EIF4A1: variants seen among roughly 807,000 people sequenced by gnomAD.
EIF4A1 encodes the protein eukaryotic initiation factor 4A-I.
Under a neutral mutation model 53.5 loss-of-function variants are expected in EIF4A1, and 11 were observed. That is an observed-to-expected ratio of 0.21 (90% CI 0.13 to 0.34). The LOEUF (loss-of-function observed/expected upper bound fraction) is 0.34. EIF4A1 is among the 10% of genes least tolerant of loss of function. EIF4A1 has a pLI of 1.00. For missense variants in EIF4A1, 213 were observed against 530.8 expected, an observed-to-expected ratio of 0.40 and a Z score of 5.88; for synonymous variants, 237 against 186.7, an observed-to-expected ratio of 1.27 and a Z score of -2.20.
chr17:7,574,188 C>CA, intron 1 of EIF4A1, 72 bp from the exon 2 acceptor site: 3 of 1,592,012 alleles, frequency 1.9e-6, no homozygotes, highest in Non-Finnish European at 2.6e-6. Context: ...CCACTCCTGA[C>CA]AGAGCCCGGC....
Position 7,577,186 on chromosome 17 carries a change from A to G in EIF4A1, c.624+21A>G. On this transcript the variant is annotated intron_variant, in intron 6 of 10. Coordinates refer to ENST00000293831, the MANE Select transcript of EIF4A1 (RefSeq NM_001416.4). This position sits in a 1 kb window ranked among gnomAD's most constrained non-coding sequence, Gnocchi z 4.7. ...CCCAGGTGAGGGCAGTCTTGCTTGA[A>G]TAGCTAATGATTCTTGAAAAATAGT... 1 of 1,575,606 alleles carries G rather than the reference A, an allele frequency of 6.3e-7. No individual in the cohort carries two copies. Among genetic ancestry groups the G allele is most frequent in the Non-Finnish European group, 8.6e-7 (1 of 1,164,694 alleles).
At chr17:7,573,917 G>A (rs969386478) in intron 1 of EIF4A1, 2 of 271,484 alleles carry the variant, frequency 7.4e-6, no homozygotes, top group Non-Finnish European at 1.4e-5. Flanking sequence ...GGTGGGAGGT[G>A]CACGCGCTTG....
chr17:7,577,329 CT>C lies in EIF4A1; in HGVS notation c.625-8del, dbSNP rs750013227. On this transcript the variant is annotated splice_polypyrimidine_tract_variant and intron_variant, in intron 6 of 10. Transcript: ENST00000293831. This position sits in a 1 kb window ranked among gnomAD's most constrained non-coding sequence, Gnocchi z 4.7. Reference sequence around the variant, plus strand: ...AAGGAACCAGCACTCTAAGACTGGCCTTTTTTTCCACTAGGTAGTTTTGCTG... The same window carrying C: ...AAGGAACCAGCACTCTAAGACTGGCCTTTTTTCCACTAGGTAGTTTTGCTG... 4.8e-5 allele frequency: 78 copies of C among 1,613,636 alleles called. No individual in the cohort carries two copies. Among genetic ancestry groups the C allele is most frequent in the Non-Finnish European group, 6.3e-5 (74 of 1,179,876 alleles).
chr17:7,574,500 T>C (rs1567733338), intron 2 of EIF4A1, 46 bp from the exon 3 acceptor site: 1 of 1,612,226 alleles, frequency 6.2e-7, no homozygotes, highest in Non-Finnish European at 8.5e-7. Flanking sequence ...ACAGCTCAGC[T>C]CCACCTTTTC....
Position 7,577,998 on chromosome 17 carries a change from G to A in EIF4A1, c.996+82G>A, listed in dbSNP as rs201605209. On this transcript the variant is annotated intron_variant, in intron 9 of 10. Coordinates refer to ENST00000293831, the MANE Select transcript of EIF4A1 (RefSeq NM_001416.4). The surrounding 1 kb of genome is among the most constrained non-coding windows in gnomAD (Gnocchi z 4.7). ...TCCAAGGGGACATCAGTGCCTCTCA[G>A]GAAAGTAGCAGCTTGGAATAGAATC... 3 of 1,591,232 alleles carry A rather than the reference G, an allele frequency of 1.9e-6. No individual in the cohort carries two copies. Among genetic ancestry groups the A allele is most frequent in the Non-Finnish European group, 2.6e-6 (3 of 1,159,476 alleles).
chr17:7,572,946 C>G, intron 1 of EIF4A1, 82 bp downstream of exon 1: 1 of 1,611,964 alleles, frequency 6.2e-7, no homozygotes, highest in South Asian at 1.1e-5. Flanking sequence ...AGCTGAGAGG[C>G]CCACCAGGGT....
In EIF4A1 at chr17:7,574,360, T is replaced by C. The variant is rs774528053; in HGVS notation, c.72+52T>C. The C allele has an allele frequency of 2.5e-6, 4 of 1,613,696 alleles. No individual in the cohort carries two copies. In the South Asian group the frequency reaches 4.4e-5, roughly 18 times the overall value. On this transcript the variant is annotated intron_variant, in intron 2 of 10. Coordinates refer to ENST00000293831, the MANE Select transcript of EIF4A1 (RefSeq NM_001416.4). ...CCTCCCCCATTACAACTTTCAGCCG[T>C]ATAGAGTTAGAGTGGCCTCTTGATT...
intron 4 of EIF4A1, 191 bp downstream of exon 4, chr17:7,575,449 C>A (rs752372443): frequency 1.5e-5 from 14 of 913,380 alleles, no homozygotes; most frequent in Non-Finnish European, 1.0e-5. Flanking sequence ...CCACCCATTT[C>A]CTGAGTCAAA....
At chr17:7,573,156 C>T in intron 1 of EIF4A1, 1 of 564,222 alleles carries the variant, frequency 1.8e-6, no homozygotes, top group Admixed American at 3.1e-5. Context: ...GAGACGGGGT[C>T]GCGACCTGGC....
At chr17:7,574,803 G>T in intron 3 of EIF4A1, 125 bp downstream of exon 3, 1 of 1,523,226 alleles carries the variant, frequency 6.6e-7, no homozygotes, top group Non-Finnish European at 9.0e-7. Flanking sequence ...TCCCAGCTTG[G>T]CTTTTGATCC....
At position 7,577,613 on chromosome 17, in the gene EIF4A1, C is replaced by T. The variant is rs139789270; in HGVS notation, c.813C>T (p.Thr271=). The T allele has an allele frequency of 6.2e-7, 1 of 1,613,610 alleles. No homozygotes were observed. The highest frequency in any genetic ancestry group is 8.5e-7 in the Non-Finnish European group (1 of 1,179,984). The change falls in exon 8 of 11, where the codon ACC becomes ACT. Residue 271 remains threonine, a synonymous_variant. Coordinates refer to ENST00000293831, the MANE Select transcript of EIF4A1 (RefSeq NM_001416.4). The surrounding 1 kb of genome is among the most constrained non-coding windows in gnomAD (Gnocchi z 4.7). The part of the protein sequence containing the change: ...DTLCDLYETL[T]ITQAVIFINT... Reference sequence around the variant, plus strand: ...TATGTGACTTGTATGAAACCCTGACCATCACCCAGGCAGTCATCTTCATCA... The same window carrying T: ...TATGTGACTTGTATGAAACCCTGACTATCACCCAGGCAGTCATCTTCATCA...
Position 7,574,220 on chromosome 17 carries a change from CG to C in EIF4A1, c.24-38del, listed in dbSNP as rs1567733185. The C allele has an allele frequency of 4.3e-6, 7 of 1,612,888 alleles. No individual in the cohort carries two copies. In the East Asian group the frequency reaches 1.6e-4, roughly 36 times the overall value. On this transcript the variant is annotated intron_variant, in intron 1 of 10. Coordinates refer to ENST00000293831, the MANE Select transcript of EIF4A1 (RefSeq NM_001416.4). Reference sequence around the variant, plus strand: ...CGGCTGTCAGGATTTCTGAGTGCTTCGGTCGGGCAGGGGACAAAACTTATGC... The same window carrying C: ...CGGCTGTCAGGATTTCTGAGTGCTTCGTCGGGCAGGGGACAAAACTTATGC...
chr17:7,574,691 A>G lies in EIF4A1; in HGVS notation c.205+13A>G. On this transcript the variant is annotated intron_variant, in intron 3 of 10. Transcript: ENST00000293831. The stretch of plus-strand genomic sequence containing the variant: ...CCTTGTATCAAGGGTGAGACCTCTC[A>G]GTCCCAGAAGACATTGTGGACTGTC... 6.2e-7 allele frequency: 1 copy of G among 1,612,348 alleles called. No individual in the cohort carries two copies. The highest frequency in any genetic ancestry group is 1.1e-5 in the South Asian group (1 of 91,004).
At position 7,576,709 on chromosome 17, in the gene EIF4A1, T is replaced by C; in HGVS notation, c.514+17T>C. Reference sequence around the variant, plus strand: ...GATACCTGTGTGAGTAATTCGGTTCTCCAATCCCCTGGGTCACTTTGCTCT... The same window carrying C: ...GATACCTGTGTGAGTAATTCGGTTCCCCAATCCCCTGGGTCACTTTGCTCT... On this transcript the variant is annotated intron_variant, in intron 5 of 10. Transcript: ENST00000293831. The C allele has an allele frequency of 1.9e-6, 3 of 1,587,484 alleles. No homozygotes were observed. The highest frequency in any genetic ancestry group is 2.6e-6 in the Non-Finnish European group (3 of 1,163,676).
chr17:7,573,933 TA>T, intron 1 of EIF4A1: 1 of 332,666 alleles, frequency 3.0e-6, no homozygotes, highest in Non-Finnish European at 5.6e-6. Flanking sequence ...GCTTGGGCTT[TA>T]AGCGGCTGGG....
intron 4 of EIF4A1, 64 bp downstream of exon 4, chr17:7,575,322 C>T (rs2071385995): frequency 6.2e-7 from 1 of 1,605,106 alleles, no homozygotes; most frequent in Non-Finnish European, 8.5e-7. Flanking sequence ...AATCCAAGGA[C>T]CAGAGAAGTC....
chr17:7,577,949 G>A lies in EIF4A1; in HGVS notation c.996+33G>A, dbSNP rs756289815. 8 of 1,613,304 alleles carry A rather than the reference G, an allele frequency of 5.0e-6. No homozygotes were observed. The African/African-American group carries it at 8.0e-5, about 16-fold the overall frequency. On this transcript the variant is annotated intron_variant, in intron 9 of 10. Transcript: ENST00000293831. The surrounding 1 kb of genome is among the most constrained non-coding windows in gnomAD (Gnocchi z 4.7). Reference sequence around the variant, plus strand: ...GAGGGAACTGATAGCAAAGGCAGAAGGGAGGATCCAAGGTGATTCCCTCTC... The same window carrying A: ...GAGGGAACTGATAGCAAAGGCAGAAAGGAGGATCCAAGGTGATTCCCTCTC...
At position 7,573,693 on chromosome 17, in the gene EIF4A1, GTGT is replaced by G. The variant is rs2071358606; in HGVS notation, c.24-563_24-561del. On this transcript the variant is annotated intron_variant, in intron 1 of 10. Transcript: ENST00000293831. ...CTCCCCCAGTCTGCTTCGCTTCTAA[GTGT>G]TGTGCAATCTCCCCCTTTGCTAGCT... 1.9e-5 allele frequency: 3 copies of G among 156,110 alleles called. No individual in the cohort carries two copies. The South Asian group carries it at 5.1e-4, about 26-fold the overall frequency. 9.7% of individuals were successfully genotyped at this position (156,110 alleles called of 1,614,324 possible).
chr17:7,578,538 G>GGAGC lies in EIF4A1; in HGVS notation c.*53_*56dup. ...CCAGGGCTCAATCTCTGGGGGCTGA[G>GGAGC]GAGCAGCAGGAGGGGGGAGGGAAGG... is the stretch of plus-strand genomic sequence containing the variant. On this transcript the variant is annotated 3_prime_UTR_variant, in exon 11 of 11. Transcript: ENST00000293831. 6.7e-7 allele frequency: 1 copy of GGAGC among 1,503,470 alleles called. No homozygotes were observed. Among genetic ancestry groups the GGAGC allele is most frequent in the East Asian group, 2.3e-5 (1 of 43,212 alleles). The allele number at this position is 1,503,470 out of a possible 1,614,324, so 93.1% of individuals were successfully genotyped here. A position where few individuals can be genotyped will look rare whatever the true frequency, so the allele number is the denominator to read the frequency against.
Sources: allele counts gnomAD v4.1 joint callset, GRCh38; gene constraint gnomAD v4.1.1; non-coding constraint Gnocchi (gnomAD v3.1); transcripts MANE v1.5; gene names NCBI Gene and HGNC (gene_info 2026-07-23, HGNC 2026-07-21).